ITGAM: variants seen among roughly 807,000 people sequenced by gnomAD.
ITGAM encodes integrin subunit alpha M, also known as integrin alpha-M.
ITGAM carries 79 observed loss-of-function variants against 137.5 expected under a neutral mutation model. That is an observed-to-expected ratio of 0.57 (90% CI 0.48 to 0.69). The LOEUF is 0.69. ITGAM is among the 30% of genes least tolerant of loss of function. ITGAM has a pLI of 0.00. For synonymous variants in ITGAM, 583 were observed against 592.3 expected (o/e 0.98, Z 0.23); for missense variants, 1,343 against 1,483.5 (o/e 0.91, Z 1.56).
In ITGAM at chr16:31,325,697, T is replaced by C. The variant is rs115898530; in HGVS notation, c.2628+75T>C. 1,386 of 1,528,182 alleles carry C rather than the reference T, an allele frequency of 9.1e-4. 8 individuals carry two copies. In the African/African-American group the frequency reaches 0.018, roughly 19 times the overall value. 94.7% of individuals were successfully genotyped at this position (1,528,182 alleles called of 1,614,324 possible). A position where few individuals can be genotyped will look rare whatever the true frequency, so the allele number is the denominator to read the frequency against. On this transcript the variant is annotated intron_variant, in intron 21 of 29. Coordinates refer to ENST00000544665, the MANE Select transcript of ITGAM (RefSeq NM_000632.4). ...ATTCTTTTCTTCTTCTTCTCTTCTT[T>C]AGTAGTGGTTCCTTTTTGTACAAAA...
chr16:31,315,574 C>T (rs1455683176), intron 14 of ITGAM, among the ~76,000 whole-genome samples: 1 of 152,154 alleles, frequency 6.6e-6, no homozygotes, highest in Non-Finnish European at 1.5e-5. Context: ...TCTCCTGCCT[C>T]AGCCTCCCAA....
chr16:31,277,864 C>A, intron 11 of ITGAM, 103 bp from the exon 12 acceptor site: 2 of 1,210,056 alleles, frequency 1.7e-6, no homozygotes, highest in Non-Finnish European at 2.3e-6. Flanking sequence ...TACCCCAACA[C>A]AGCAAGCGTG....
At chr16:31,298,724 C>G (rs919458390) in intron 14 of ITGAM, among the ~76,000 whole-genome samples, 1 of 152,190 alleles carries the variant, frequency 6.6e-6, no homozygotes, top group Admixed American at 6.5e-5. Context: ...TGCAGTCACA[C>G]GTGCCCCTCT....
At position 31,332,706 on chromosome 16, in the gene ITGAM, G is replaced by A. The variant is rs368831801; in HGVS notation, c.*999G>A. On this transcript the variant is annotated 3_prime_UTR_variant, in exon 30 of 30. Coordinates refer to ENST00000544665, the MANE Select transcript of ITGAM (RefSeq NM_000632.4). ...TTTTCACCAATATTTCTCAGACATC[G>A]GTTCATATTAAGACATAAATTACTT... is the stretch of plus-strand genomic sequence containing the variant. The A allele has an allele frequency of 1.4e-4, 21 of 152,192 alleles. No individual in the cohort carries two copies. In the East Asian group the frequency reaches 3.5e-3, roughly 25 times the overall value. 9.4% of individuals were successfully genotyped at this position (152,192 alleles called of 1,614,324 possible).
chr16:31,292,856 G>A (rs1008124609), intron 12 of ITGAM, among the ~76,000 whole-genome samples: 3 of 152,018 alleles, frequency 2.0e-5, no homozygotes, highest in Non-Finnish European at 4.4e-5. Context: ...TTCCCCAAGT[G>A]GTTAAACTAA....
chr16:31,265,913 A>C, intron 4 of ITGAM, 32 bp downstream of exon 4: 1 of 1,608,400 alleles, frequency 6.2e-7, no homozygotes, highest in Non-Finnish European at 8.5e-7. Flanking sequence ...GAGCATCCTA[A>C]TGGGGGTGTT....
At chr16:31,273,574 A>G in intron 8 of ITGAM, 56 bp downstream of exon 8, 1 of 1,548,672 alleles carries the variant, frequency 6.5e-7, no homozygotes, top group African/African-American at 1.4e-5. Context: ...ATGTGGATCC[A>G]TCCTCCCTTC....
chr16:31,283,945 C>G (rs1231445763), intron 12 of ITGAM, among the ~76,000 whole-genome samples: 1 of 152,210 alleles, frequency 6.6e-6, no homozygotes, highest in East Asian at 1.9e-4. Flanking sequence ...TTCCTTCTAA[C>G]AGTCAGGACC....
At chr16:31,265,358 A>C in intron 2 of ITGAM, 37 bp from the exon 3 acceptor site, 2 of 1,250,022 alleles carry the variant, frequency 1.6e-6, no homozygotes, top group South Asian at 2.8e-5. Context: ...CTCTCCCCAC[A>C]TGTCGAAGTT....
At position 31,273,422 on chromosome 16, in the gene ITGAM, T is replaced by G. The variant is rs565904949; in HGVS notation, c.762T>G (p.Val254=). ...GAAAGAATGCCTTTAAGATCCTAGT[T>G]GTCATCACGGATGGAGAAAAGTTTG... The part of the protein sequence containing the change: ...GARKNAFKIL[V]VITDGEKFGD... The change falls in exon 8 of 30, where the codon GTT becomes GTG. Residue 254 remains valine (V), a synonymous_variant. Coordinates refer to ENST00000544665, the MANE Select transcript of ITGAM (RefSeq NM_000632.4). 1 of 1,613,878 alleles carries G rather than the reference T, an allele frequency of 6.2e-7. No homozygotes were observed. Among genetic ancestry groups the G allele is most frequent in the African/African-American group, 1.3e-5 (1 of 75,010 alleles).
intron 12 of ITGAM, among the ~76,000 whole-genome samples, chr16:31,289,808 C>T (rs1451898148): frequency 6.6e-6 from 1 of 151,968 alleles, no homozygotes; most frequent in Non-Finnish European, 1.5e-5. Context: ...CTGGCCGGGC[C>T]CAGTGGCTCA....
Position 31,260,107 on chromosome 16 carries a change from G to A in ITGAM, c.28+15G>A, listed in dbSNP as rs1283402613. On this transcript the variant is annotated intron_variant, in intron 1 of 29. Transcript: ENST00000544665. ...TCTGTTAACAGGTGCATGGGGGTGG[G>A]GTGGGGGACTCTGGGTGGGGAGGAG... The A allele has an allele frequency of 1.9e-6, 3 of 1,549,496 alleles. No homozygotes were observed. Among genetic ancestry groups the A allele is most frequent in the Non-Finnish European group, 1.8e-6 (2 of 1,138,444 alleles).
At chr16:31,305,941 C>A (rs113548631) in intron 14 of ITGAM, among the ~76,000 whole-genome samples, 14 of 151,748 alleles carry the variant, frequency 9.2e-5, no homozygotes, top group African/African-American at 3.1e-4. Flanking sequence ...TTGTTATATC[C>A]TTTTCTGGTT....
chr16:31,306,560 C>T (rs182747775), intron 14 of ITGAM, among the ~76,000 whole-genome samples: 2 of 151,062 alleles, frequency 1.3e-5, no homozygotes, highest in South Asian at 2.1e-4. Flanking sequence ...GTTGCCCACA[C>T]TGGAGTACAG....
In ITGAM at chr16:31,331,618, CCCT is replaced by C. The variant is rs759492240; in HGVS notation, c.3388-13_3388-11del. 2 of 1,596,364 alleles carry C rather than the reference CCCT, an allele frequency of 1.3e-6. No individual in the cohort carries two copies. Among genetic ancestry groups the C allele is most frequent in the Non-Finnish European group, 1.7e-6 (2 of 1,171,434 alleles). Reference sequence around the variant, plus strand: ...TCCCTGGCTGCTGTCGCTCTCACTGCCCTCCTCTGCCCCGCAGCTCGGCTTCTT... The same window carrying C: ...TCCCTGGCTGCTGTCGCTCTCACTGCCCTCTGCCCCGCAGCTCGGCTTCTT... On this transcript the variant is annotated splice_polypyrimidine_tract_variant and intron_variant, in intron 29 of 29. Coordinates refer to ENST00000544665, the MANE Select transcript of ITGAM (RefSeq NM_000632.4).
chr16:31,284,674 C>T lies in ITGAM; in HGVS notation c.1356+6565C>T, dbSNP rs550670558. On this transcript the variant is annotated intron_variant, in intron 12 of 29. Transcript: ENST00000544665. ...GAATTCCCCAACCCCTTGCACTTCC[C>T]AGGTGAGGCGATGACCCACCCTGCT... Among the ~76,000 whole-genome samples the T allele has an allele frequency of 8.9e-4, 136 of 152,280 alleles. 1 individual carries two copies. Among genetic ancestry groups the T allele is most frequent in the African/African-American group, 3.2e-3 (133 of 41,560 alleles).
At chr16:31,293,961 T>G (rs912330701) in intron 12 of ITGAM, among the ~76,000 whole-genome samples, 19 of 152,196 alleles carry the variant, frequency 1.2e-4, no homozygotes, top group African/African-American at 4.6e-4. Context: ...AACTCTCTGG[T>G]TAGCTGTATT....
intron 8 of ITGAM, among the ~76,000 whole-genome samples, chr16:31,274,513 TCA>T (rs1410299806): frequency 2.0e-5 from 3 of 152,228 alleles, no homozygotes; most frequent in African/African-American, 7.2e-5. Context: ...TCTCTTCTAG[TCA>T]CAGAGCTGTC....
chr16:31,273,230 A>G, intron 7 of ITGAM, 135 bp from the exon 8 acceptor site: 1 of 719,404 alleles, frequency 1.4e-6, no homozygotes, highest in Non-Finnish European at 2.2e-6. Flanking sequence ...CAGGAGTTCA[A>G]GTCTGCAGTG....
Sources: gnomAD v4.1 joint callset for allele counts (sites outside exome capture counted in the v4.1 genomes callset) on GRCh38, gnomAD v4.1.1 for gene constraint, MANE v1.5 for transcripts, NCBI Gene and HGNC (gene_info 2026-07-23, HGNC 2026-07-21) for gene names.